CEACAM19: variants seen among roughly 807,000 people sequenced by gnomAD.
CEACAM19 encodes CEA cell adhesion molecule 19.
Under a neutral mutation model 37.6 loss-of-function variants are expected in CEACAM19, and 37 were observed. That is an observed-to-expected ratio of 0.98 (90% CI 0.76 to 1.29). CEACAM19 has a LOEUF of 1.29. CEACAM19 is among the 50% of genes most tolerant of loss of function. The probability of loss-of-function intolerance (pLI) is 0.00; values close to 1 mark genes in which losing one functional copy is unlikely to be tolerated. For missense variants in CEACAM19, 340 were observed against 375.6 expected, an observed-to-expected ratio of 0.91 and a Z score of 0.78; for synonymous variants, 140 against 149.8, an observed-to-expected ratio of 0.93 and a Z score of 0.48.
chr19:44,668,514 TTATAA>T (rs1393442585), upstream of CEACAM19, among the ~76,000 whole-genome samples: 4 of 39,086 alleles, frequency 1.0e-4, no homozygotes, highest in Non-Finnish European at 1.3e-4. Context: ...TATATATTAG[TTATAA>T]TATAAATATA....
At chr19:44,681,930 CAA>C (rs59949356) in intron 6 of CEACAM19, among the ~76,000 whole-genome samples, 1 of 132,920 alleles carries the variant, frequency 7.5e-6, no homozygotes. Flanking sequence ...GACTCCATCC[CAA>C]AAAAAAAAAA....
chr19:44,667,848 A>G (rs1353403930), upstream of CEACAM19, among the ~76,000 whole-genome samples: 6 of 68,722 alleles, frequency 8.7e-5, no homozygotes, highest in Non-Finnish European at 1.2e-4. Context: ...TATAATATAT[A>G]CAATATATAT....
At chr19:44,667,582 T>C (rs1268840294), upstream of CEACAM19, among the ~76,000 whole-genome samples, 1 of 111,490 alleles carries the variant, frequency 9.0e-6, no homozygotes, top group Non-Finnish European at 1.7e-5. Flanking sequence ...ATAAATTATA[T>C]ATGTATATAT....
At chr19:44,681,369 T>A in intron 6 of CEACAM19, 57 bp downstream of exon 6, 1 of 1,181,560 alleles carries the variant, frequency 8.5e-7, no homozygotes, top group Non-Finnish European at 1.3e-6. Context: ...GCCTCCTCTC[T>A]GAGCTGGCTG....
intron 1 of CEACAM19, 184 bp from the exon 2 acceptor site, chr19:44,672,412 G>T: frequency 1.7e-6 from 1 of 599,470 alleles, no homozygotes; most frequent in Non-Finnish European, 2.7e-6. Flanking sequence ...GCAAATCTGT[G>T]GTAACCATGC....
At chr19:44,668,735 AAT>A (rs1568513232), upstream of CEACAM19, among the ~76,000 whole-genome samples, 58 of 101,966 alleles carry the variant, frequency 5.7e-4, 7 homozygotes, top group African/African-American at 2.7e-3. Context: ...ATATAAATAT[AAT>A]ATATAATATA....
At position 44,678,680 on chromosome 19, in the gene CEACAM19, G is replaced by A. The variant is rs962173462; in HGVS notation, c.576-173G>A. 3 of 882,664 alleles carry A rather than the reference G, an allele frequency of 3.4e-6. No homozygotes were observed. In the Admixed American group the frequency reaches 9.7e-5, roughly 29 times the overall value. The allele number at this position is 882,664 out of a possible 1,614,324, so 54.7% of individuals were successfully genotyped here. A position where few individuals can be genotyped will look rare whatever the true frequency, so the allele number is the denominator to read the frequency against. On this transcript the variant is annotated intron_variant, in intron 3 of 7. Transcript: ENST00000358777. ...CCCACCTTGGCCTCCCAAAGTGTTGGGATTACAGGCATGAGCCACTGAGCC... is the reference window on the plus strand; with the variant it reads ...CCCACCTTGGCCTCCCAAAGTGTTGAGATTACAGGCATGAGCCACTGAGCC...
At chr19:44,674,467 C>A (rs1973911631) in intron 2 of CEACAM19, among the ~76,000 whole-genome samples, 1 of 152,070 alleles carries the variant, frequency 6.6e-6, no homozygotes, top group Non-Finnish European at 1.5e-5. Context: ...CATGCCCAGT[C>A]TCAGCTCACT....
chr19:44,676,516 C>T, intron 3 of CEACAM19, 95 bp downstream of exon 3: 3 of 1,240,746 alleles, frequency 2.4e-6, no homozygotes, highest in East Asian at 2.3e-5. Flanking sequence ...GGCTCATACA[C>T]AATCTCATCA....
chr19:44,673,723 G>A (rs898990057), intron 2 of CEACAM19: 1 of 152,208 alleles, frequency 6.6e-6, no homozygotes, highest in Non-Finnish European at 1.5e-5. Context: ...TTGAAAAATG[G>A]AGGCACGCAG....
At chr19:44,671,376 TC>T (rs1285769992), upstream of CEACAM19, 104 of 306,566 alleles carry the variant, frequency 3.4e-4, no homozygotes, top group Non-Finnish European at 5.9e-6. Context: ...CACCTTGGCC[TC>T]CCAAAATGCT....
At chr19:44,679,666 A>G (rs1974018598) in intron 4 of CEACAM19, among the ~76,000 whole-genome samples, 1 of 151,866 alleles carries the variant, frequency 6.6e-6, no homozygotes, top group Non-Finnish European at 1.5e-5. Flanking sequence ...GGAGAATGGC[A>G]TGAACCCGGG....
At chr19:44,675,376 C>G (rs1298744850) in intron 2 of CEACAM19, among the ~76,000 whole-genome samples, 1 of 152,064 alleles carries the variant, frequency 6.6e-6, no homozygotes, top group Non-Finnish European at 1.5e-5. Context: ...GGTCTTAATT[C>G]TAGCAAGTCC....
chr19:44,667,769 TTATA>T (rs1191854655), upstream of CEACAM19, among the ~76,000 whole-genome samples: 1 of 74,762 alleles, frequency 1.3e-5, no homozygotes, highest in East Asian at 4.1e-4. Flanking sequence ...TTATATATAT[TTATA>T]TATAATATAT....
chr19:44,669,653 C>G (rs192371390), upstream of CEACAM19, among the ~76,000 whole-genome samples: 7 of 152,196 alleles, frequency 4.6e-5, 1 homozygote, highest in African/African-American at 1.7e-4. Flanking sequence ...CCTCCACATC[C>G]TTGCATTGCT....
upstream of CEACAM19, chr19:44,671,336 G>C (rs528110572): frequency 8.1e-5 from 18 of 223,304 alleles, no homozygotes; most frequent in Admixed American, 2.9e-4. Context: ...TGGCCAGGCT[G>C]GTCTCAAATT....
At chr19:44,668,738 A>G (rs1382840698), upstream of CEACAM19, among the ~76,000 whole-genome samples, 1 of 96,744 alleles carries the variant, frequency 1.0e-5, no homozygotes, top group Non-Finnish European at 1.8e-5. Flanking sequence ...TAAATATAAT[A>G]TATAATATAA....
At position 44,678,910 on chromosome 19, in the gene CEACAM19, A is replaced by C. The variant is rs762712982; in HGVS notation, c.633A>C (p.Pro211=). 1.2e-6 allele frequency: 2 copies of C among 1,614,028 alleles called. No individual in the cohort carries two copies. The highest frequency in any genetic ancestry group is 2.2e-5 in the South Asian group (2 of 91,044). ...SLSILCSAVS[P]VPSVTPSTWM... ...CCATCTTGTGCTCGGCTGTATCCCC[A>C]GTGCCTTCAGTGACGCCCAGCACAT... The change falls in exon 4 of 8, where the codon CCA becomes CCC. Residue 211 remains proline (P), a synonymous_variant. Coordinates refer to ENST00000358777, the MANE Select transcript of CEACAM19 (RefSeq NM_001127893.3).
At chr19:44,681,756 C>A (rs947343039) in intron 6 of CEACAM19, among the ~76,000 whole-genome samples, 1 of 151,552 alleles carries the variant, frequency 6.6e-6, no homozygotes, top group Non-Finnish European at 1.5e-5. Context: ...ATGGTGAAAC[C>A]CCGTCTCTAC....
Sources: gnomAD v4.1 joint callset for allele counts (sites outside exome capture counted in the v4.1 genomes callset) on GRCh38, gnomAD v4.1.1 for gene constraint, MANE v1.5 for transcripts, NCBI Gene and HGNC (gene_info 2026-07-23, HGNC 2026-07-21) for gene names.